The following ARID2 variants were observed in gnomAD, a reference collection of about 807,000 sequenced individuals.
ARID2 encodes the protein AT-rich interactive domain-containing protein 2.
In ARID2, 32 loss-of-function variants were observed where a neutral mutation model predicts 184.6. The ratio of observed to expected loss-of-function variants is 0.17; its 90% CI spans 0.13 to 0.23. ARID2 has a LOEUF of 0.23. ARID2 is among the 10% of genes least tolerant of loss of function. ARID2 has a pLI of 1.00. For synonymous variants in ARID2, 836 were observed against 772.6 expected (o/e 1.08, Z -1.36); for missense variants, 1,696 against 2,197.6 (o/e 0.77, Z 4.56).
At chr12:45,891,181 T>A (rs1264938901) in intron 16 of ARID2, among the ~76,000 whole-genome samples, 1 of 150,706 alleles carries the variant, frequency 6.6e-6, no homozygotes, top group African/African-American at 2.4e-5. Context: ...AAAAAAAAAA[T>A]TGATTGCACA....
chr12:45,894,765 A>G (rs1290779797), intron 20 of ARID2, among the ~76,000 whole-genome samples: 1 of 152,216 alleles, frequency 6.6e-6, no homozygotes, highest in African/African-American at 2.4e-5. Flanking sequence ...TTTAGTAACC[A>G]TATGAGAATA....
chr12:45,891,698 A>T (rs2138231410), intron 16 of ARID2, 82 bp from the exon 17 acceptor site: 2 of 1,473,250 alleles, frequency 1.4e-6, no homozygotes, highest in South Asian at 2.6e-5. Context: ...TTCCACTTGG[A>T]AATATAAGCA....
chr12:45,735,109 C>CT (rs1249724096), intron 3 of ARID2, among the ~76,000 whole-genome samples: 2 of 150,720 alleles, frequency 1.3e-5, no homozygotes, highest in African/African-American at 4.9e-5. Context: ...TGAATTTATT[C>CT]TATTTTTTTT....
intron 3 of ARID2, among the ~76,000 whole-genome samples, chr12:45,794,757 G>A (rs1191849900): frequency 1.3e-5 from 2 of 152,124 alleles, no homozygotes; most frequent in African/African-American, 4.8e-5. Context: ...TTTGGCCAGA[G>A]CATTCAGTTT....
intron 16 of ARID2, among the ~76,000 whole-genome samples, chr12:45,876,317 G>A (rs919798409): frequency 6.6e-6 from 1 of 152,130 alleles, no homozygotes; most frequent in African/African-American, 2.4e-5. Context: ...TTGGGAGGCC[G>A]AGGCGGGTGG....
chr12:45,820,526 C>A (rs145249935), intron 5 of ARID2, among the ~76,000 whole-genome samples: 1 of 152,010 alleles, frequency 6.6e-6, no homozygotes, highest in Non-Finnish European at 1.5e-5. Flanking sequence ...TAAAGATTAA[C>A]GTTCATAACA....
At chr12:45,830,472 C>CT (rs1293761621) in intron 6 of ARID2, among the ~76,000 whole-genome samples, 1 of 152,034 alleles carries the variant, frequency 6.6e-6, no homozygotes, top group African/African-American at 2.4e-5. Context: ...CAGTCAAGCC[C>CT]TTTTGCCTCC....
At chr12:45,848,161 A>C (rs1237530943) in intron 12 of ARID2, among the ~76,000 whole-genome samples, 2 of 151,964 alleles carry the variant, frequency 1.3e-5, no homozygotes, top group African/African-American at 4.8e-5. Context: ...AACTAAGTTT[A>C]GCCTATTATA....
rs114330994 is a variant in ARID2 at position 45,739,737 on chromosome 12, T to A, written c.284+8423T>A. On this transcript the variant is annotated intron_variant, in intron 3 of 20. Transcript: ENST00000334344. ...AGTGTTTTTGGGTGAAATTTTATTC[T>A]GTCTCTATGCTAGCCCAGCGATTAA... is the stretch of plus-strand genomic sequence containing the variant. 4.6e-3 allele frequency among the ~76,000 whole-genome samples: 696 copies of A among 152,282 alleles called. 1 individual carries two copies. Among genetic ancestry groups the A allele is most frequent in the African/African-American group, 0.016 (657 of 41,552 alleles).
At chr12:45,817,057 T>A (rs978628521) in intron 4 of ARID2, among the ~76,000 whole-genome samples, 1 of 152,196 alleles carries the variant, frequency 6.6e-6, no homozygotes, top group Non-Finnish European at 1.5e-5. Context: ...TGAAATGCAA[T>A]AGTAAGAAGT....
At chr12:45,733,447 G>C (rs1481161843) in intron 3 of ARID2, among the ~76,000 whole-genome samples, 2 of 152,194 alleles carry the variant, frequency 1.3e-5, no homozygotes, top group Non-Finnish European at 2.9e-5. Context: ...GACTTGATAA[G>C]TTACCTCTTT....
chr12:45,870,826 C>G (rs1471678354), intron 16 of ARID2, among the ~76,000 whole-genome samples: 1 of 152,044 alleles, frequency 6.6e-6, no homozygotes, highest in African/African-American at 2.4e-5. Context: ...TTTTATTATA[C>G]AGATGTACAT....
intron 4 of ARID2, among the ~76,000 whole-genome samples, chr12:45,817,089 G>C (rs1303025258): frequency 2.6e-5 from 4 of 151,536 alleles, no homozygotes; most frequent in Admixed American, 6.6e-5. Context: ...TGGGCACAGG[G>C]CTCATGCATG....
At chr12:45,836,353 G>A (rs756268848) in intron 6 of ARID2, among the ~76,000 whole-genome samples, 6 of 152,252 alleles carry the variant, frequency 3.9e-5, no homozygotes, top group Admixed American at 3.3e-4. Flanking sequence ...GGGACTTCAG[G>A]CACATGCCAC....
At chr12:45,823,560 A>C (rs1375932270) in intron 6 of ARID2, among the ~76,000 whole-genome samples, 1 of 152,104 alleles carries the variant, frequency 6.6e-6, no homozygotes, top group Non-Finnish European at 1.5e-5. Flanking sequence ...TAGAATAGCT[A>C]AGAAAAAAGA....
rs929925494 is a variant in ARID2, at chr12:45,905,446, G to C, written c.*368G>C. On this transcript the variant is annotated 3_prime_UTR_variant, in exon 21 of 21. Transcript: ENST00000334344. The stretch of plus-strand genomic sequence containing the variant: ...ACCTACATGAGCAGATGAAATAGAA[G>C]CATTAAATATTTTTATCTATATCCA... 1.3e-5 allele frequency: 3 copies of C among 235,310 alleles called. No individual in the cohort carries two copies. Among genetic ancestry groups the C allele is most frequent in the Non-Finnish European group, 2.5e-5 (3 of 119,538 alleles). 14.6% of individuals were successfully genotyped at this position (235,310 alleles called of 1,614,324 possible). A position where few individuals can be genotyped will look rare whatever the true frequency, so the allele number is the denominator to read the frequency against.
At position 45,850,552 on chromosome 12, in the gene ARID2, C is replaced by G. The variant is rs1433339453; in HGVS notation, c.2429C>G (p.Ala810Gly). 6.2e-7 allele frequency: 1 copy of G among 1,613,974 alleles called. No individual in the cohort carries two copies. Among genetic ancestry groups the G allele is most frequent in the East Asian group, 2.2e-5 (1 of 44,890 alleles). ...HMFGRVQNIP[A>G]CTSTVSQGQQ... ...TTTGGCAGAGTACAGAACATACCAG[C>G]ATGTACTTCTACAGTTTCACAGGGT... Residue 810 changes from alanine to glycine, a missense_variant, in exon 15 of 21, where the codon GCA becomes GGA. Coordinates refer to ENST00000334344, the MANE Select transcript of ARID2 (RefSeq NM_152641.4).
At chr12:45,783,883 TTTTAAG>T (rs934208172) in intron 3 of ARID2, among the ~76,000 whole-genome samples, 4 of 115,864 alleles carry the variant, frequency 3.5e-5, no homozygotes, top group Non-Finnish European at 4.0e-5. Context: ...TTATCACTAC[TTTTAAG>T]TTAAATAGGA....
At chr12:45,880,559 T>G (rs1592138378) in intron 16 of ARID2, among the ~76,000 whole-genome samples, 1 of 152,336 alleles carries the variant, frequency 6.6e-6, no homozygotes, top group East Asian at 1.9e-4. Flanking sequence ...CCAGGCAATT[T>G]TATTACTTTA....
Sources: gnomAD v4.1 joint callset for allele counts (sites outside exome capture counted in the v4.1 genomes callset) on GRCh38, gnomAD v4.1.1 for gene constraint, MANE v1.5 for transcripts, NCBI Gene and HGNC (gene_info 2026-07-23, HGNC 2026-07-21) for gene names.